TMPO: variants seen among roughly 807,000 people sequenced by gnomAD.
The protein encoded by TMPO is LEM domain containing 4.
Under a neutral mutation model 45.4 loss-of-function variants are expected in TMPO, and 22 were observed. The ratio of observed to expected loss-of-function variants is 0.48; its 90% CI spans 0.35 to 0.69. The LOEUF (loss-of-function observed/expected upper bound fraction) is 0.69, where lower values mean the gene tolerates loss of function less well. Ranked by LOEUF, TMPO falls within the 30% of genes least tolerant of loss-of-function variation. TMPO has a pLI of 0.01. For synonymous variants in TMPO, 241 were observed against 204.1 expected (o/e 1.18, Z -1.54); for missense variants, 512 against 548.8 (o/e 0.93, Z 0.67).
Position 98,544,234 on chromosome 12 carries a change from A to G in TMPO, c.668A>G (p.Tyr223Cys), listed in dbSNP as rs759985853. The change falls in exon 5 of 9, where the codon TAT becomes TGT. Residue 223 changes from tyrosine (Y) to cysteine (C), a missense_variant. Around this residue, in one of 3 missense-constraint regions of TMPO, gnomAD observed 299 missense variants for 296.7 expected, o/e 1.01. Coordinates refer to ENST00000556029, the MANE Select transcript of TMPO (RefSeq NM_001032283.3). Reference sequence around the variant, plus strand: ...AATGTGTTGATGCTTGAATAGAGCTATTCTCAAGCTGGAATAACTGAGACT... The same window carrying G: ...AATGTGTTGATGCTTGAATAGAGCTGTTCTCAAGCTGGAATAACTGAGACT... ...KQRRVEHNQS[Y>C]SQAGITETEW... is the part of the protein sequence containing the mutation. The G allele has an allele frequency of 8.7e-6, 14 of 1,613,826 alleles. No individual in the cohort carries two copies. The highest frequency in any genetic ancestry group is 5.0e-5 in the Admixed American group (3 of 60,026).
intron 3 of TMPO, chr12:98,532,186 A>G (rs1877240465): frequency 5.1e-6 from 1 of 197,322 alleles, no homozygotes; most frequent in Non-Finnish European, 1.0e-5. Flanking sequence ...TATTAATTCA[A>G]TGCCTGTCTT....
chr12:98,515,793 C>A lies in TMPO; in HGVS notation c.-75C>A. 6.4e-7 allele frequency: 1 copy of A among 1,556,092 alleles called. No individual in the cohort carries two copies. The highest frequency in any genetic ancestry group is 8.7e-7 in the Non-Finnish European group (1 of 1,151,160). On this transcript the variant is annotated 5_prime_UTR_variant, in exon 1 of 9. Transcript: ENST00000556029. ...AGGCTCGGAGGCGGCAGCGCGGTCC[C>A]CGGCCAGGAGCAAGCGCGCCGGCGT...
chr12:98,537,621 A>G, intron 4 of TMPO, 49 bp downstream of exon 4: 12 of 1,366,686 alleles, frequency 8.8e-6, no homozygotes, highest in Non-Finnish European at 1.2e-5. Flanking sequence ...TAACCTCCTG[A>G]CAACACTAAT....
Position 98,516,118 on chromosome 12 carries a change from C to G in TMPO, c.251C>G (p.Ala84Gly). 6.7e-7 allele frequency: 1 copy of G among 1,493,124 alleles called. No homozygotes were observed. The highest frequency in any genetic ancestry group is 1.3e-5 in the South Asian group (1 of 77,226). The allele number at this position is 1,493,124 out of a possible 1,614,324, so 92.5% of individuals were successfully genotyped here. The change falls in exon 1 of 9, where the codon GCG becomes GGG. Residue 84 changes from alanine to glycine, a missense_variant. By Grantham distance (60) the Ala-to-Gly change is moderately conservative. Transcript: ENST00000556029. Reference protein sequence around the residue: ...TPVLGSGAAAAGRSRAAVGRK... With the variant: ...TPVLGSGAAAGGRSRAAVGRK... Reference sequence around the variant, plus strand: ...GTCCTCGGCTCTGGGGCCGCCGCCGCGGGCCGGAGCCGAGCAGCCGTCGGC... The same window carrying G: ...GTCCTCGGCTCTGGGGCCGCCGCCGGGGGCCGGAGCCGAGCAGCCGTCGGC...
Position 98,544,316 on chromosome 12 carries a change from T to C in TMPO, c.750T>C (p.Ser250=). ...GGPLQALTRE[S]TRGSRRTPRK... ...CTCTGCAGGCATTAACTAGGGAATC[T>C]ACAAGAGGGTCAAGAAGAACTCCAA... The change falls in exon 5 of 9, where the codon TCT becomes TCC. Residue 250 remains serine, a synonymous_variant. Transcript: ENST00000556029. 1 of 1,614,038 alleles carries C rather than the reference T, an allele frequency of 6.2e-7. No individual in the cohort carries two copies. The highest frequency in any genetic ancestry group is 8.5e-7 in the Non-Finnish European group (1 of 1,179,904).
intron 1 of TMPO, among the ~76,000 whole-genome samples, chr12:98,521,878 C>T (rs542758503): frequency 9.9e-5 from 15 of 152,160 alleles, no homozygotes; most frequent in Non-Finnish European, 1.9e-4. Flanking sequence ...TACAAGCGTG[C>T]ACCACCATGC....
chr12:98,528,069 A>C lies in TMPO; in HGVS notation c.406+57A>C, dbSNP rs1040881575. 3 of 1,606,026 alleles carry C rather than the reference A, an allele frequency of 1.9e-6. No homozygotes were observed. The African/African-American group carries it at 4.0e-5, about 22-fold the overall frequency. ...TTTCTCTGAAGCAGGACCCCAAATT[A>C]TTTTCTCCTTTTTGTTTAGCAGTTT... On this transcript the variant is annotated intron_variant, in intron 2 of 8. Coordinates refer to ENST00000556029, the MANE Select transcript of TMPO (RefSeq NM_001032283.3).
rs763678804 is a variant in TMPO at position 98,537,480 on chromosome 12, A to C, written c.571A>C (p.Lys191Gln). Residue 191 changes from lysine (K) to glutamine (Q), a missense_variant, in exon 4 of 9, where the codon AAA becomes CAA. Coordinates refer to ENST00000556029, the MANE Select transcript of TMPO (RefSeq NM_001032283.3). ...DRYSDNEEDS[K>Q]IELKLEKREP... ...TTCTCCAATGTTATTTCCAGACTCT[A>C]AAATAGAGCTCAAGCTTGAGAAGAG... The C allele has an allele frequency of 6.8e-6, 11 of 1,611,772 alleles. No individual in the cohort carries two copies. Among genetic ancestry groups the C allele is most frequent in the South Asian group, 2.2e-5 (2 of 90,974 alleles).
In TMPO at chr12:98,533,024, T is replaced by A. The variant is rs146364154; in HGVS notation, c.565+1186T>A. On this transcript the variant is annotated intron_variant, in intron 3 of 8. Transcript: ENST00000556029. ...AAGGGAGACCTACCTAGGGAGCCTCTTGTTGCCACAAACTTGCCTGGCAGG... is the reference window on the plus strand; with the variant it reads ...AAGGGAGACCTACCTAGGGAGCCTCATGTTGCCACAAACTTGCCTGGCAGG... 3.1e-5 allele frequency: 50 copies of A among 1,613,696 alleles called. No homozygotes were observed. In the African/African-American group the frequency reaches 6.1e-4, roughly 20 times the overall value.
chr12:98,515,986 T>G lies in TMPO; in HGVS notation c.119T>G (p.Leu40Arg). 1 of 1,612,716 alleles carries G rather than the reference T, an allele frequency of 6.2e-7. No individual in the cohort carries two copies. The highest frequency in any genetic ancestry group is 8.5e-7 in the Non-Finnish European group (1 of 1,179,800). ...GEQRKDVYVQ[L>R]YLQHLTARNR... is the part of the protein sequence containing the mutation. Reference sequence around the variant, plus strand: ...CAGCGCAAAGACGTGTACGTCCAGCTCTACCTGCAGCACCTCACGGCTCGC... The same window carrying G: ...CAGCGCAAAGACGTGTACGTCCAGCGCTACCTGCAGCACCTCACGGCTCGC... Residue 40 changes from leucine to arginine, a missense_variant, in exon 1 of 9, where the codon CTC becomes CGC. Coordinates refer to ENST00000556029, the MANE Select transcript of TMPO (RefSeq NM_001032283.3).
At position 98,546,441 on chromosome 12, in the gene TMPO, G is replaced by A. The variant is rs1188690623; in HGVS notation, c.1073G>A (p.Gly358Glu). 1.3e-6 allele frequency: 2 copies of A among 1,593,804 alleles called. No individual in the cohort carries two copies. The highest frequency in any genetic ancestry group is 3.3e-5 in the Admixed American group (2 of 59,846). The change falls in exon 8 of 9, where the codon GGA (glycine) becomes GAA (glutamate). Residue 358 changes from glycine (G) to glutamate (E), a missense_variant. This residue lies in a region of TMPO where 209 missense variants were observed against 235.1 expected (regional missense o/e 0.89). Transcript: ENST00000556029. ...CCCTATGAAGCATCTACACCAACAG[G>A]AATTAGGTATTCAGATACATTTAAA... is the stretch of plus-strand genomic sequence containing the variant. ...MFPYEASTPT[G>E]ISASCRRPIK...
chr12:98,542,483 G>A (rs116292492), intron 4 of TMPO, among the ~76,000 whole-genome samples: 24 of 146,884 alleles, frequency 1.6e-4, no homozygotes, highest in African/African-American at 6.1e-4. Context: ...TCTCCTTGAT[G>A]GTACTGTGCC....
At chr12:98,540,676 C>T (rs971831209) in intron 4 of TMPO, among the ~76,000 whole-genome samples, 1 of 152,196 alleles carries the variant, frequency 6.6e-6, no homozygotes, top group South Asian at 2.1e-4. Flanking sequence ...CTGCGCCTGG[C>T]GGAAACTATG....
At chr12:98,528,136 C>T (rs1592939513) in intron 2 of TMPO, 124 bp downstream of exon 2, 1 of 1,092,692 alleles carries the variant, frequency 9.2e-7, no homozygotes, top group Non-Finnish European at 1.4e-6. Context: ...TTGTTATCAG[C>T]AGAACCTGTG....
intron 3 of TMPO, chr12:98,534,693 ATCC>A (rs1877462762): frequency 9.1e-7 from 1 of 1,100,560 alleles, no homozygotes; most frequent in Non-Finnish European, 1.1e-6. Flanking sequence ...AATAATATGC[ATCC>A]TCCTTTATAC....
Position 98,544,952 on chromosome 12 carries a change from T to C in TMPO, c.881T>C (p.Val294Ala). ...TCTGAATAATTTGAATCTTGGCAGG[T>C]TGTCAATAGGGTGACTGGAAATTTC... ...TIMASSNESLVVNRVTGNFKH... is the reference protein window; with the variant it reads ...TIMASSNESLAVNRVTGNFKH... The change falls in exon 7 of 9, where the codon GTT (valine) becomes GCT (alanine). Residue 294 changes from valine to alanine, a missense_variant and splice_region_variant. Physicochemically the swap from Val to Ala is moderately conservative, Grantham distance 64. Transcript: ENST00000556029. The C allele has an allele frequency of 6.2e-7, 1 of 1,608,508 alleles. No individual in the cohort carries two copies. Among genetic ancestry groups the C allele is most frequent in the South Asian group, 1.1e-5 (1 of 90,960 alleles).
intron 1 of TMPO, among the ~76,000 whole-genome samples, chr12:98,525,904 T>A (rs934973782): frequency 6.6e-6 from 1 of 152,222 alleles, no homozygotes. Flanking sequence ...TTTAGCCTTT[T>A]TCGTAAAATT....
At position 98,550,269 on chromosome 12, in the gene TMPO, A is replaced by G. The variant is rs200354667; in HGVS notation, c.*2411A>G. On this transcript the variant is annotated 3_prime_UTR_variant, in exon 9 of 9. Coordinates refer to ENST00000556029, the MANE Select transcript of TMPO (RefSeq NM_001032283.3). The stretch of plus-strand genomic sequence containing the variant: ...TTCTTCCTGATTAAATTGTAGATGT[A>G]GACTTTACAATATAATTCAATAATA... 5.3e-5 allele frequency: 8 copies of G among 152,266 alleles called. No homozygotes were observed. The East Asian group carries it at 5.8e-4, about 11-fold the overall frequency. The allele number at this position is 152,266 out of a possible 1,614,324, so 9.4% of individuals were successfully genotyped here.
chr12:98,544,760 T>G, intron 6 of TMPO, 191 bp from the exon 7 acceptor site: 1 of 652,644 alleles, frequency 1.5e-6, no homozygotes, highest in South Asian at 2.0e-5. Context: ...TATAAGGATA[T>G]TTTTTGTTAA....
Sources: allele counts gnomAD v4.1 joint callset (sites outside exome capture counted in the v4.1 genomes callset), GRCh38; gene constraint gnomAD v4.1.1; regional missense constraint gnomAD v4.1.1; transcripts MANE v1.5; gene names NCBI Gene and HGNC (gene_info 2026-07-23, HGNC 2026-07-21).